Variants in TTLL9 observed in about 807,000 individuals in gnomAD.
The protein encoded by TTLL9 is tubulin tyrosine ligase like 9, also known as probable tubulin polyglutamylase TTLL9.
Under a neutral mutation model 65.6 loss-of-function variants are expected in TTLL9, and 47 were observed. The ratio of observed to expected loss-of-function variants is 0.72; its 90% CI spans 0.57 to 0.91. The LOEUF (loss-of-function observed/expected upper bound fraction) is 0.91, where lower values mean the gene tolerates loss of function less well. Among genes scored for constraint, TTLL9 ranks in the 40% least tolerant of loss-of-function variants. The pLI, the probability that TTLL9 is intolerant of heterozygous loss-of-function variation, is 0.00. For synonymous variants in TTLL9, 179 were observed against 204.8 expected (o/e 0.87, Z 1.07); for missense variants, 537 against 568.8 (o/e 0.94, Z 0.57).
chr20:31,928,515 TTTA>T (rs1233846481), intron 10 of TTLL9, among the ~76,000 whole-genome samples: 2 of 150,754 alleles, frequency 1.3e-5, no homozygotes, highest in African/African-American at 4.9e-5. Context: ...ATATATATAG[TTTA>T]TACATAATTA....
intron 1 of TTLL9, 23 bp from the exon 2 acceptor site, chr20:31,871,099 C>T: frequency 6.2e-7 from 1 of 1,611,316 alleles, no homozygotes; most frequent in Non-Finnish European, 8.5e-7. Context: ...TCACTCCTTC[C>T]TTCCATCCAT....
chr20:31,898,009 C>T (rs2063410387), intron 3 of TTLL9, among the ~76,000 whole-genome samples: 1 of 152,186 alleles, frequency 6.6e-6, no homozygotes, highest in African/African-American at 2.4e-5. Flanking sequence ...GGGAATTCAC[C>T]ACCATGTAGT....
At chr20:31,899,796 G>A (rs2063447289) in intron 4 of TTLL9, among the ~76,000 whole-genome samples, 1 of 150,908 alleles carries the variant, frequency 6.6e-6, no homozygotes. Flanking sequence ...ATGGAGTCTT[G>A]CTCTGTCGCC....
chr20:31,872,205 A>G (rs1473515655), intron 2 of TTLL9, among the ~76,000 whole-genome samples: 1 of 152,202 alleles, frequency 6.6e-6, no homozygotes, highest in Non-Finnish European at 1.5e-5. Context: ...ACCTCTCTGA[A>G]TAAGTGGCAT....
intron 4 of TTLL9, among the ~76,000 whole-genome samples, chr20:31,904,450 T>A (rs758901288): frequency 1.3e-5 from 2 of 148,592 alleles, no homozygotes; most frequent in Non-Finnish European, 3.0e-5. Flanking sequence ...CTTGACCCTC[T>A]GGGCTCAAGT....
chr20:31,878,305 T>C (rs1299679299), intron 2 of TTLL9, among the ~76,000 whole-genome samples: 1 of 152,244 alleles, frequency 6.6e-6, no homozygotes, highest in Admixed American at 6.5e-5. Flanking sequence ...AAGGGAAGAA[T>C]GGATATTGTG....
At chr20:31,883,385 A>T (rs2063145316) in intron 2 of TTLL9, among the ~76,000 whole-genome samples, 1 of 151,918 alleles carries the variant, frequency 6.6e-6, no homozygotes, top group Non-Finnish European at 1.5e-5. Flanking sequence ...TTTAGTAGAG[A>T]CAGGATTTCA....
chr20:31,935,035 A>G (rs2064087137), intron 12 of TTLL9, 147 bp downstream of exon 12: 1 of 751,150 alleles, frequency 1.3e-6, no homozygotes, highest in Non-Finnish European at 2.2e-6. Flanking sequence ...GCCCATTTGT[A>G]AATGGGGTTG....
At chr20:31,931,979 T>G (rs937928746) in intron 10 of TTLL9, among the ~76,000 whole-genome samples, 2 of 152,240 alleles carry the variant, frequency 1.3e-5, no homozygotes, top group Non-Finnish European at 2.9e-5. Context: ...CAGTGACTTA[T>G]TCCTCTATTT....
chr20:31,879,651 C>T (rs2063080653), intron 2 of TTLL9: 4 of 607,950 alleles, frequency 6.6e-6, no homozygotes, highest in South Asian at 2.2e-5. Context: ...CGCGGAGAGG[C>T]GAGGCTGGAA....
chr20:31,876,660 G>C (rs1296063392), intron 2 of TTLL9, among the ~76,000 whole-genome samples: 1 of 152,130 alleles, frequency 6.6e-6, no homozygotes, highest in Non-Finnish European at 1.5e-5. Flanking sequence ...GGAGATGTGG[G>C]CCTATAAGAT....
chr20:31,908,551 C>A, intron 4 of TTLL9, 40 bp from the exon 5 acceptor site: 1 of 1,485,554 alleles, frequency 6.7e-7, no homozygotes, highest in East Asian at 2.3e-5. Context: ...CCAAGGTCCT[C>A]AGACCATGAC....
At chr20:31,884,749 G>A (rs1242299793) in intron 2 of TTLL9, among the ~76,000 whole-genome samples, 2 of 152,122 alleles carry the variant, frequency 1.3e-5, no homozygotes, top group African/African-American at 4.8e-5. Context: ...CCACATTTAA[G>A]GATCCTTATG....
intron 2 of TTLL9, among the ~76,000 whole-genome samples, chr20:31,876,972 T>G (rs1385538297): frequency 6.6e-6 from 1 of 152,228 alleles, no homozygotes; most frequent in African/African-American, 2.4e-5. Context: ...TATTTACATT[T>G]CTCAATTGGC....
intron 14 of TTLL9, among the ~76,000 whole-genome samples, chr20:31,941,786 G>C (rs562920904): frequency 6.6e-6 from 1 of 152,242 alleles, no homozygotes; most frequent in Non-Finnish European, 1.5e-5. Flanking sequence ...ATATTGACCA[G>C]GCTGGGAGAG....
At chr20:31,873,736 A>AAG (rs71212791) in intron 2 of TTLL9, among the ~76,000 whole-genome samples, 16 of 123,148 alleles carry the variant, frequency 1.3e-4, no homozygotes, top group East Asian at 4.2e-4. Flanking sequence ...GAAAGAAAGA[A>AAG]AAAGGAAGGA....
intron 6 of TTLL9, among the ~76,000 whole-genome samples, chr20:31,915,463 C>G (rs542546267): frequency 6.6e-6 from 1 of 152,266 alleles, no homozygotes; most frequent in Non-Finnish European, 1.5e-5. Flanking sequence ...GCCTGGGTGA[C>G]AGAGCAAGAC....
intron 6 of TTLL9, among the ~76,000 whole-genome samples, chr20:31,910,820 A>T (rs1044586255): frequency 1.3e-5 from 2 of 152,196 alleles, no homozygotes; most frequent in Admixed American, 1.3e-4. Context: ...AGAGCATCCT[A>T]GGCTGAGGGA....
chr20:31,927,480 CAAAAAAA>C (rs777895091), intron 10 of TTLL9, among the ~76,000 whole-genome samples: 35 of 54,180 alleles, frequency 6.5e-4, no homozygotes, highest in Admixed American at 1.7e-3. Context: ...GACTCTGTCT[CAAAAAAA>C]AAAAAAAAAA....
Sources: allele counts gnomAD v4.1 joint callset (sites outside exome capture counted in the v4.1 genomes callset), GRCh38; gene constraint gnomAD v4.1.1; transcripts MANE v1.5; gene names NCBI Gene and HGNC (gene_info 2026-07-23, HGNC 2026-07-21).